NSUN6: variants seen among roughly 807,000 people sequenced by gnomAD.
NSUN6 encodes NOP2/Sun RNA methyltransferase 6.
NSUN6 carries 64 observed loss-of-function variants against 58.0 expected under a neutral mutation model. The ratio of observed to expected loss-of-function variants is 1.10; its 90% CI spans 0.90 to 1.36. The LOEUF (loss-of-function observed/expected upper bound fraction) is 1.36, where lower values mean the gene tolerates loss of function less well. Among genes scored for constraint, NSUN6 ranks in the 40% most tolerant of loss-of-function variants. NSUN6 has a pLI of 0.00. For missense variants in NSUN6, 701 were observed against 550.1 expected, an observed-to-expected ratio of 1.27 and a Z score of -2.74; for synonymous variants, 231 against 193.9, an observed-to-expected ratio of 1.19 and a Z score of -1.59.
At chr10:18,564,999 C>A (rs1293604956) in intron 8 of NSUN6, among the ~76,000 whole-genome samples, 2 of 149,260 alleles carry the variant, frequency 1.3e-5, no homozygotes, top group East Asian at 4.1e-4. Flanking sequence ...TCTCCATTTT[C>A]CATTCCATCA....
chr10:18,560,619 A>G (rs147874700), intron 8 of NSUN6, among the ~76,000 whole-genome samples: 3,979 of 149,066 alleles, frequency 0.027, 173 homozygotes, highest in African/African-American at 0.092. Flanking sequence ...GGAATGGAGT[A>G]GAGAATGGAA....
chr10:18,580,286 T>C (rs2056847350), intron 8 of NSUN6, among the ~76,000 whole-genome samples: 1 of 152,150 alleles, frequency 6.6e-6, no homozygotes, highest in Non-Finnish European at 1.5e-5. Flanking sequence ...GACCCGCTCT[T>C]TTCTCCCTTT....
chr10:18,625,915 A>G (rs2058784680), intron 3 of NSUN6, among the ~76,000 whole-genome samples: 1 of 152,052 alleles, frequency 6.6e-6, no homozygotes, highest in African/African-American at 2.4e-5. Flanking sequence ...TTAATGCCAC[A>G]GGTTATAAAA....
chr10:18,622,033 G>A (rs879289237), intron 3 of NSUN6, among the ~76,000 whole-genome samples: 8 of 147,650 alleles, frequency 5.4e-5, no homozygotes, highest in Non-Finnish European at 1.0e-4. Flanking sequence ...ATATATATAC[G>A]AATGACACAC....
At chr10:18,643,042 G>T (rs1034402247) in intron 2 of NSUN6, among the ~76,000 whole-genome samples, 2 of 151,888 alleles carry the variant, frequency 1.3e-5, no homozygotes, top group Admixed American at 1.3e-4. Context: ...GGAACCAGAA[G>T]ATTATCACAC....
chr10:18,646,907 C>A (rs1050587911), intron 2 of NSUN6, among the ~76,000 whole-genome samples: 1 of 152,132 alleles, frequency 6.6e-6, no homozygotes, highest in African/African-American at 2.4e-5. Flanking sequence ...TTTTTATTAG[C>A]TGAAAACATA....
intron 3 of NSUN6, among the ~76,000 whole-genome samples, chr10:18,619,886 T>C (rs75612042): frequency 0.026 from 3,945 of 152,240 alleles, 92 homozygotes; most frequent in Middle Eastern, 0.051. Flanking sequence ...TCTGTGTGTG[T>C]GGTATCACAC....
intron 8 of NSUN6, among the ~76,000 whole-genome samples, chr10:18,555,632 G>GAA (rs1564708444): frequency 4.2e-5 from 6 of 141,862 alleles, no homozygotes; most frequent in Admixed American, 3.7e-4. Context: ...ATGGAATGGA[G>GAA]CATGGAATGT....
At chr10:18,629,058 G>A (rs930280100) in intron 3 of NSUN6, among the ~76,000 whole-genome samples, 2 of 152,164 alleles carry the variant, frequency 1.3e-5, no homozygotes, top group Non-Finnish European at 2.9e-5. Flanking sequence ...CAGGTCTCTT[G>A]GCAGAAACTC....
intron 7 of NSUN6, among the ~76,000 whole-genome samples, chr10:18,591,632 CAATA>C (rs2057381416): frequency 6.6e-6 from 1 of 152,166 alleles, no homozygotes; most frequent in Non-Finnish European, 1.5e-5. Context: ...ATGATTATCT[CAATA>C]GATACAGAAA....
chr10:18,579,479 T>C (rs759277278), intron 8 of NSUN6, among the ~76,000 whole-genome samples: 1 of 152,202 alleles, frequency 6.6e-6, no homozygotes, highest in Non-Finnish European at 1.5e-5. Flanking sequence ...CTCATATTTT[T>C]ATTCATTAAA....
intron 3 of NSUN6, among the ~76,000 whole-genome samples, chr10:18,640,821 AC>A (rs2059368788): frequency 6.6e-6 from 1 of 152,078 alleles, no homozygotes; most frequent in Admixed American, 6.6e-5. Flanking sequence ...ATGAGCCTAT[AC>A]AAATCAACTT....
At chr10:18,639,350 C>T (rs1236723027) in intron 3 of NSUN6, among the ~76,000 whole-genome samples, 1 of 151,930 alleles carries the variant, frequency 6.6e-6, no homozygotes, top group East Asian at 1.9e-4. Context: ...AAAATGAAGC[C>T]AGGTGTGGTG....
At chr10:18,632,261 G>T (rs2059057833) in intron 3 of NSUN6, among the ~76,000 whole-genome samples, 1 of 150,678 alleles carries the variant, frequency 6.6e-6, no homozygotes, top group Non-Finnish European at 1.5e-5. Flanking sequence ...ATTTCAAGAT[G>T]GATTAAAGAC....
At chr10:18,577,735 T>C (rs916907499) in intron 8 of NSUN6, among the ~76,000 whole-genome samples, 1 of 152,190 alleles carries the variant, frequency 6.6e-6, no homozygotes, top group African/African-American at 2.4e-5. Flanking sequence ...AAACTTAACT[T>C]CCTCGTAACC....
In NSUN6 at chr10:18,551,805, A is replaced by G. The variant is rs1324915306; in HGVS notation, c.1071+18T>C. ...AGCAAAAGTTAACTTTGTTTCACAA[A>G]AACAGACCACCACATACTGCAGTGA... is the stretch of plus-strand genomic sequence containing the variant. On this transcript the variant is annotated intron_variant, in intron 9 of 10. Transcript: ENST00000377304. 6.2e-7 allele frequency: 1 copy of G among 1,603,216 alleles called. No individual in the cohort carries two copies. Among genetic ancestry groups the G allele is most frequent in the Non-Finnish European group, 8.5e-7 (1 of 1,173,060 alleles).
chr10:18,595,164 A>G (rs184285597), intron 7 of NSUN6, among the ~76,000 whole-genome samples: 321 of 152,322 alleles, frequency 2.1e-3, no homozygotes, highest in Middle Eastern at 3.4e-3. Context: ...ATTCACCTGC[A>G]GGTGACCAGT....
chr10:18,574,813 A>C (rs1159900127), intron 8 of NSUN6, among the ~76,000 whole-genome samples: 1 of 152,186 alleles, frequency 6.6e-6, no homozygotes, highest in South Asian at 2.1e-4. Flanking sequence ...ACAAGGAGCT[A>C]ATCACCCGAG....
intron 6 of NSUN6, among the ~76,000 whole-genome samples, chr10:18,602,144 C>T (rs1276436644): frequency 1.3e-5 from 2 of 150,772 alleles, no homozygotes; most frequent in African/African-American, 2.4e-5. Flanking sequence ...GTTTACTGCA[C>T]CTCTGCCTCC....
Sources: gnomAD v4.1 joint callset for allele counts (sites outside exome capture counted in the v4.1 genomes callset) on GRCh38, gnomAD v4.1.1 for gene constraint, MANE v1.5 for transcripts, NCBI Gene and HGNC (gene_info 2026-07-23, HGNC 2026-07-21) for gene names.